PKN2: variants seen among roughly 807,000 people sequenced by gnomAD.
PKN2 encodes the protein protein kinase N2, also known as serine/threonine-protein kinase N2.
In PKN2, 38 loss-of-function variants were observed where a neutral mutation model predicts 119.1. The observed-to-expected ratio is 0.32, with a 90% CI of 0.25 to 0.42. PKN2 has a LOEUF of 0.42. PKN2 is among the 10% of genes least tolerant of loss of function. The pLI, the probability that PKN2 is intolerant of heterozygous loss-of-function variation, is 1.00. For missense variants in PKN2, 850 were observed against 1,165.1 expected, an observed-to-expected ratio of 0.73 and a Z score of 3.94; for synonymous variants, 390 against 384.9, an observed-to-expected ratio of 1.01 and a Z score of -0.15.
At chr1:88,793,902 G>A (rs963089198) in intron 8 of PKN2, among the ~76,000 whole-genome samples, 8 of 152,042 alleles carry the variant, frequency 5.3e-5, no homozygotes, top group East Asian at 3.8e-4. Flanking sequence ...ATTTTCAGTC[G>A]TGGTTGGTTT....
chr1:88,751,230 A>G (rs1373326212), intron 2 of PKN2, among the ~76,000 whole-genome samples: 1 of 152,080 alleles, frequency 6.6e-6, no homozygotes, highest in Non-Finnish European at 1.5e-5. Context: ...TGATGGGTAT[A>G]TAGGTGCTCA....
intron 3 of PKN2, among the ~76,000 whole-genome samples, chr1:88,764,024 A>C (rs1159954786): frequency 6.6e-6 from 1 of 152,140 alleles, no homozygotes; most frequent in Non-Finnish European, 1.5e-5. Flanking sequence ...GTCCTTTTTA[A>C]ATTTTTCAGA....
intron 8 of PKN2, among the ~76,000 whole-genome samples, chr1:88,793,861 A>G (rs1670946034): frequency 6.6e-6 from 1 of 152,236 alleles, no homozygotes; most frequent in South Asian, 2.1e-4. Context: ...CATATTCAGT[A>G]CAAATACAAC....
chr1:88,818,663 A>AC (rs1350258568), intron 16 of PKN2, among the ~76,000 whole-genome samples: 6 of 150,472 alleles, frequency 4.0e-5, no homozygotes, highest in African/African-American at 1.5e-4. Flanking sequence ...AAAAAAAAAA[A>AC]GAAAAAGAAG....
chr1:88,750,556 C>T lies in PKN2; in HGVS notation c.349+9268C>T, dbSNP rs74639888. On this transcript the variant is annotated intron_variant, in intron 2 of 21. Transcript: ENST00000370521. Reference sequence around the variant, plus strand: ...TTAATCATATCCTATTTTCTGGTGACTTCCAAAGTTGTATCTCCAGCTAGG... The same window carrying T: ...TTAATCATATCCTATTTTCTGGTGATTTCCAAAGTTGTATCTCCAGCTAGG... 4.5e-3 allele frequency among the ~76,000 whole-genome samples: 684 copies of T among 152,276 alleles called. 2 individuals carry two copies. The highest frequency in any genetic ancestry group is 0.015 in the African/African-American group (642 of 41,544).
At chr1:88,690,031 T>A (rs1055145284) in intron 1 of PKN2, among the ~76,000 whole-genome samples, 1 of 152,252 alleles carries the variant, frequency 6.6e-6, no homozygotes, top group African/African-American at 2.4e-5. Context: ...GATAAAAGTC[T>A]GTGTTAAAAC....
chr1:88,804,289 G>T, intron 8 of PKN2, 102 bp from the exon 9 acceptor site: 1 of 910,082 alleles, frequency 1.1e-6, no homozygotes, highest in Non-Finnish European at 1.7e-6. Context: ...TGTAATTTTT[G>T]TTTATTGTAT....
At chr1:88,747,529 C>G (rs1668817479) in intron 2 of PKN2, among the ~76,000 whole-genome samples, 1 of 152,064 alleles carries the variant, frequency 6.6e-6, no homozygotes, top group South Asian at 2.1e-4. Context: ...TAGTTGGAAC[C>G]TGACACTCGT....
At chr1:88,824,433 T>C (rs1672417503) in intron 18 of PKN2, 47 bp downstream of exon 18, 1 of 1,031,632 alleles carries the variant, frequency 9.7e-7, no homozygotes, top group Non-Finnish European at 1.5e-6. Flanking sequence ...AATTACTGTT[T>C]CTTTGTGCAT....
chr1:88,724,995 C>T (rs1438247273), intron 1 of PKN2, among the ~76,000 whole-genome samples: 1 of 150,148 alleles, frequency 6.7e-6, no homozygotes, highest in Non-Finnish European at 1.5e-5. Flanking sequence ...ATCCCAGGTT[C>T]AAGCAATTCT....
At chr1:88,828,375 C>A (rs1015467441) in intron 18 of PKN2, 106 bp from the exon 19 acceptor site, 18 of 893,302 alleles carry the variant, frequency 2.0e-5, no homozygotes, top group African/African-American at 3.3e-5. Context: ...GTTCACCATG[C>A]ACAAATGTGC....
At chr1:88,786,558 G>A (rs191388848) in intron 8 of PKN2, among the ~76,000 whole-genome samples, 124 of 152,198 alleles carry the variant, frequency 8.1e-4, no homozygotes, top group African/African-American at 2.8e-3. Flanking sequence ...TATCTTACTC[G>A]AGCTATATTT....
intron 8 of PKN2, among the ~76,000 whole-genome samples, chr1:88,797,604 T>C (rs1239400233): frequency 1.3e-5 from 2 of 148,340 alleles, no homozygotes; most frequent in Non-Finnish European, 3.0e-5. Flanking sequence ...ATTGCGCCAC[T>C]GCGCTCCAGC....
intron 16 of PKN2, among the ~76,000 whole-genome samples, chr1:88,817,603 G>A (rs1672054489): frequency 6.6e-6 from 1 of 151,584 alleles, no homozygotes; most frequent in South Asian, 2.1e-4. Context: ...GGCTGCTCAG[G>A]AGGCAGGAGG....
intron 3 of PKN2, among the ~76,000 whole-genome samples, chr1:88,767,509 C>G (rs1669708683): frequency 1.3e-5 from 2 of 152,108 alleles, no homozygotes; most frequent in African/African-American, 2.4e-5. Flanking sequence ...TTACACAAAC[C>G]TAGATGGTAC....
chr1:88,794,745 T>C (rs1307244111), intron 8 of PKN2, among the ~76,000 whole-genome samples: 3 of 152,176 alleles, frequency 2.0e-5, no homozygotes, highest in African/African-American at 7.2e-5. Context: ...TTCCATTTCC[T>C]TGATTCTTCA....
intron 8 of PKN2, among the ~76,000 whole-genome samples, chr1:88,787,469 T>C (rs1309654908): frequency 6.6e-6 from 1 of 152,200 alleles, no homozygotes; most frequent in Non-Finnish European, 1.5e-5. Context: ...TACATACCAG[T>C]AAATTTCAGG....
At chr1:88,718,448 C>G (rs569228291) in intron 1 of PKN2, among the ~76,000 whole-genome samples, 1 of 152,114 alleles carries the variant, frequency 6.6e-6, no homozygotes, top group East Asian at 1.9e-4. Context: ...AGGCAGGCCT[C>G]GTTCAGTAGT....
chr1:88,773,086 A>G lies in PKN2; in HGVS notation c.985+1207A>G, dbSNP rs143930041. On this transcript the variant is annotated intron_variant, in intron 6 of 21. Transcript: ENST00000370521. ...AATGTCCTTCTTTGTCTCCTATAAC[A>G]ATATTTAATTTAAAATCTGTTTTGT... 7.7e-3 allele frequency among the ~76,000 whole-genome samples: 1,170 copies of G among 152,258 alleles called. 7 individuals are homozygous for G. The highest frequency in any genetic ancestry group is 0.014 in the Middle Eastern group (4 of 294).
Sources: gnomAD v4.1 joint callset for allele counts (sites outside exome capture counted in the v4.1 genomes callset) on GRCh38, gnomAD v4.1.1 for gene constraint, MANE v1.5 for transcripts, NCBI Gene and HGNC (gene_info 2026-07-23, HGNC 2026-07-21) for gene names.